The following MARCHF1 variants were observed in gnomAD, a reference collection of about 807,000 sequenced individuals.
MARCHF1 encodes membrane associated ring-CH-type finger 1, also known as E3 ubiquitin-protein ligase MARCHF1.
Under a neutral mutation model 54.2 loss-of-function variants are expected in MARCHF1, and 40 were observed. The observed-to-expected ratio is 0.74, with a 90% CI of 0.57 to 0.96. The LOEUF (loss-of-function observed/expected upper bound fraction) is 0.96, where lower values mean the gene tolerates loss of function less well. MARCHF1 is among the 40% of genes least tolerant of loss of function. The pLI, the probability that MARCHF1 is intolerant of heterozygous loss-of-function variation, is 0.00. For synonymous variants in MARCHF1, 236 were observed against 236.3 expected (o/e 1.00, Z 0.01); for missense variants, 586 against 656.5 (o/e 0.89, Z 1.17).
intron 3 of MARCHF1, among the ~76,000 whole-genome samples, chr4:163,950,898 A>C (rs1389910769): frequency 6.6e-6 from 1 of 152,226 alleles, no homozygotes; most frequent in Non-Finnish European, 1.5e-5. Flanking sequence ...TCTTGACATG[A>C]GCTCCAAAGA....
In MARCHF1 at chr4:163,842,544, T is replaced by C. The variant is rs550640278; in HGVS notation, c.111+11477A>G. ...TTAGAGCATGGATCCTAAAATTTGA[T>C]TTACTTACAGGGTAAACTTTGACAA... On this transcript the variant is annotated intron_variant, in intron 4 of 9. Coordinates refer to ENST00000514618, the MANE Select transcript of MARCHF1 (RefSeq NM_001394959.1). Among the ~76,000 whole-genome samples, 14 of 152,224 alleles carry C rather than the reference T, an allele frequency of 9.2e-5. No homozygotes were observed. The South Asian group carries it at 2.9e-3, about 32-fold the overall frequency.
At chr4:164,295,447 AACACAC>A (rs5863675) in intron 1 of MARCHF1, among the ~76,000 whole-genome samples, 5 of 150,666 alleles carry the variant, frequency 3.3e-5, no homozygotes, top group African/African-American at 4.9e-5. Flanking sequence ...CATACACACA[AACACAC>A]ACACACACAC....
chr4:164,280,288 C>T (rs1195585879), intron 1 of MARCHF1, among the ~76,000 whole-genome samples: 1 of 151,952 alleles, frequency 6.6e-6, no homozygotes, highest in African/African-American at 2.4e-5. Flanking sequence ...ACTGAAATGT[C>T]AACCTAAGTC....
At chr4:163,997,017 A>C (rs1753090029) in intron 2 of MARCHF1, among the ~76,000 whole-genome samples, 2 of 152,042 alleles carry the variant, frequency 1.3e-5, no homozygotes, top group Admixed American at 6.6e-5. Context: ...AAACTAAAAC[A>C]CTTCCACAGA....
chr4:163,852,625 C>T (rs768649228), intron 4 of MARCHF1, among the ~76,000 whole-genome samples: 1 of 152,108 alleles, frequency 6.6e-6, no homozygotes, highest in African/African-American at 2.4e-5. Context: ...AGTAGTTTTG[C>T]ACATATCTCT....
At chr4:163,924,383 T>C (rs572955325) in intron 3 of MARCHF1, among the ~76,000 whole-genome samples, 8 of 152,132 alleles carry the variant, frequency 5.3e-5, no homozygotes, top group African/African-American at 1.7e-4. Flanking sequence ...CAGACTTGCA[T>C]GTAAAATGTG....
At chr4:163,929,871 T>C (rs1167120336) in intron 3 of MARCHF1, among the ~76,000 whole-genome samples, 2 of 144,370 alleles carry the variant, frequency 1.4e-5, no homozygotes, top group African/African-American at 2.6e-5. Flanking sequence ...TAAGACACTT[T>C]TGTGAAAGAA....
At chr4:164,109,329 G>A (rs1287306543) in intron 2 of MARCHF1, among the ~76,000 whole-genome samples, 1 of 151,968 alleles carries the variant, frequency 6.6e-6, no homozygotes, top group African/African-American at 2.4e-5. Context: ...TTTTCAAAGT[G>A]CTATCTTCAG....
chr4:164,250,463 T>C (rs1281808740), intron 1 of MARCHF1, among the ~76,000 whole-genome samples: 2 of 152,094 alleles, frequency 1.3e-5, no homozygotes, highest in African/African-American at 4.8e-5. Context: ...ATACTTTCAG[T>C]ACTATTTTGA....
intron 3 of MARCHF1, among the ~76,000 whole-genome samples, chr4:163,905,278 T>C (rs1751040248): frequency 6.6e-6 from 1 of 152,110 alleles, no homozygotes; most frequent in Admixed American, 6.6e-5. Context: ...TCAATTCCAT[T>C]CAACAAATAC....
chr4:163,804,711 T>C (rs1475115972), intron 4 of MARCHF1, among the ~76,000 whole-genome samples: 1 of 152,114 alleles, frequency 6.6e-6, no homozygotes, highest in South Asian at 2.1e-4. Context: ...CAATCATCCA[T>C]AGAATAGAGA....
chr4:163,630,603 A>AT (rs1742039446), intron 5 of MARCHF1, among the ~76,000 whole-genome samples: 1 of 152,192 alleles, frequency 6.6e-6, no homozygotes, highest in Non-Finnish European at 1.5e-5. Flanking sequence ...TCCTAAATAA[A>AT]TTTGATAAGA....
chr4:164,222,455 T>G lies in MARCHF1; in HGVS notation c.-322-110793A>C, dbSNP rs72691844. 8.5e-3 allele frequency among the ~76,000 whole-genome samples: 1,291 copies of G among 152,074 alleles called. 7 individuals are homozygous for G. Among genetic ancestry groups the G allele is most frequent in the Non-Finnish European group, 0.015 (996 of 67,928 alleles). ...GCAGCCTGGATCTAAGTAAAATAAT[T>G]TTGTAAAGGGAAAAATGGCTTATTA... On this transcript the variant is annotated intron_variant, in intron 1 of 9. Transcript: ENST00000514618.
chr4:163,783,131 T>C (rs965921011), intron 4 of MARCHF1, among the ~76,000 whole-genome samples: 2 of 152,212 alleles, frequency 1.3e-5, no homozygotes, highest in Non-Finnish European at 1.5e-5. Context: ...ATCTGATATA[T>C]GCCTTCAACC....
chr4:164,199,721 G>A (rs1303785516), intron 1 of MARCHF1, among the ~76,000 whole-genome samples: 1 of 148,742 alleles, frequency 6.7e-6, no homozygotes, highest in African/African-American at 2.5e-5. Flanking sequence ...GAAGAGAGGA[G>A]AAGAGAAGAT....
At chr4:164,282,691 G>C (rs1256469182) in intron 1 of MARCHF1, among the ~76,000 whole-genome samples, 1 of 151,210 alleles carries the variant, frequency 6.6e-6, no homozygotes, top group Non-Finnish European at 1.5e-5. Flanking sequence ...TGAACAAAAA[G>C]GAAACTTTTC....
chr4:163,823,411 A>G lies in MARCHF1; in HGVS notation c.111+30610T>C, dbSNP rs139394046. 5.9e-4 allele frequency among the ~76,000 whole-genome samples: 90 copies of G among 151,940 alleles called. No individual in the cohort carries two copies. The East Asian group carries it at 0.011, about 18-fold the overall frequency. On this transcript the variant is annotated intron_variant, in intron 4 of 9. Coordinates refer to ENST00000514618, the MANE Select transcript of MARCHF1 (RefSeq NM_001394959.1). ...ACTTTGCCCAAATCAAACCTAATAA[A>G]CTGTGATCAAATCTAATCAACTCTA... is the stretch of plus-strand genomic sequence containing the variant.
intron 1 of MARCHF1, among the ~76,000 whole-genome samples, chr4:164,316,308 G>T (rs1000411876): frequency 6.6e-6 from 1 of 152,038 alleles, no homozygotes. Context: ...AAATAAGCAC[G>T]AATAAGTCAT....
intron 1 of MARCHF1, among the ~76,000 whole-genome samples, chr4:164,139,680 G>T (rs980904581): frequency 6.7e-6 from 1 of 150,310 alleles, no homozygotes; most frequent in Non-Finnish European, 1.5e-5. Context: ...CTTACTCAGC[G>T]CAGGAGTAGA....
Sources: allele counts gnomAD v4.1 joint callset (sites outside exome capture counted in the v4.1 genomes callset), GRCh38; gene constraint gnomAD v4.1.1; transcripts MANE v1.5; gene names NCBI Gene and HGNC (gene_info 2026-07-23, HGNC 2026-07-21).